The following PACS1 variants were observed in gnomAD, a reference collection of about 807,000 sequenced individuals.
PACS1 encodes the protein phosphofurin acidic cluster sorting protein 1.
A neutral mutation model predicts 115.0 loss-of-function variants in PACS1; 24 were observed. The observed-to-expected ratio is 0.21, with a 90% CI of 0.15 to 0.29. PACS1 has a LOEUF of 0.29. PACS1 is among the 10% of genes least tolerant of loss of function. The probability of loss-of-function intolerance (pLI) is 1.00; values close to 1 mark genes in which losing one functional copy is unlikely to be tolerated. For synonymous variants in PACS1, 453 were observed against 504.5 expected, an observed-to-expected ratio of 0.90 and a Z score of 1.37; for missense variants, 838 against 1,251.2, an observed-to-expected ratio of 0.67 and a Z score of 4.98.
intron 9 of PACS1, 111 bp from the exon 10 acceptor site, chr11:66,221,043 C>A: frequency 9.3e-7 from 1 of 1,071,788 alleles, no homozygotes; most frequent in Non-Finnish European, 1.4e-6. Context: ...ACCGGGCGTT[C>A]TGGACACCTG....
At chr11:66,101,016 AG>A (rs1446342158) in intron 1 of PACS1, 3 of 400,240 alleles carry the variant, frequency 7.5e-6, no homozygotes, top group African/African-American at 6.2e-5. Flanking sequence ...AAGTCACTAA[AG>A]CCAGCCATAT....
At chr11:66,150,656 A>G (rs1859213337) in intron 1 of PACS1, among the ~76,000 whole-genome samples, 1 of 152,240 alleles carries the variant, frequency 6.6e-6, no homozygotes. Flanking sequence ...TATGCCTTTA[A>G]AAGTAAGGTG....
At chr11:66,226,660 C>T (rs1424168257) in intron 10 of PACS1, among the ~76,000 whole-genome samples, 1 of 152,120 alleles carries the variant, frequency 6.6e-6, no homozygotes, top group Non-Finnish European at 1.5e-5. Context: ...TAGCCTGATG[C>T]TTCTCAGTAT....
intron 1 of PACS1, among the ~76,000 whole-genome samples, chr11:66,092,369 G>C (rs1857682252): frequency 6.6e-6 from 1 of 152,180 alleles, no homozygotes; most frequent in East Asian, 1.9e-4. Flanking sequence ...TGATGGGGTT[G>C]TTGGTTTTTT....
chr11:66,219,493 TG>T, intron 7 of PACS1: 1 of 630,732 alleles, frequency 1.6e-6, no homozygotes, highest in Admixed American at 2.1e-5. Flanking sequence ...TGGGAGGTGT[TG>T]GGGCACAGGG....
intron 1 of PACS1, among the ~76,000 whole-genome samples, chr11:66,154,520 C>T (rs1339972972): frequency 6.6e-6 from 1 of 152,092 alleles, no homozygotes; most frequent in African/African-American, 2.4e-5. Context: ...TGTAAGAATA[C>T]AAGGTCAGTA....
chr11:66,076,636 G>T (rs564991357), intron 1 of PACS1, among the ~76,000 whole-genome samples: 1 of 152,072 alleles, frequency 6.6e-6, no homozygotes, highest in Admixed American at 6.5e-5. Flanking sequence ...CAAGTGATCC[G>T]GCGGCCTCGG....
intron 1 of PACS1, among the ~76,000 whole-genome samples, chr11:66,154,530 A>G (rs1859311495): frequency 6.6e-6 from 1 of 152,234 alleles, no homozygotes; most frequent in African/African-American, 2.4e-5. Flanking sequence ...CAAGGTCAGT[A>G]TATCAAGAAA....
intron 1 of PACS1, among the ~76,000 whole-genome samples, chr11:66,079,791 T>C (rs1857453034): frequency 6.6e-6 from 1 of 152,210 alleles, no homozygotes. Flanking sequence ...AAGATCCCCT[T>C]TTCATGGTTC....
chr11:66,124,043 C>T (rs193044936), intron 1 of PACS1, among the ~76,000 whole-genome samples: 1 of 152,334 alleles, frequency 6.6e-6, no homozygotes, highest in African/African-American at 2.4e-5. Context: ...CAAGGGCAGG[C>T]ATTCTGCGCA....
intron 7 of PACS1, among the ~76,000 whole-genome samples, chr11:66,218,871 A>G (rs1855274164): frequency 6.6e-6 from 1 of 152,036 alleles, no homozygotes; most frequent in Non-Finnish European, 1.5e-5. Context: ...AAAAAAAAAA[A>G]AAAGGCCCAG....
intron 1 of PACS1, among the ~76,000 whole-genome samples, chr11:66,191,191 C>G (rs1854512195): frequency 6.6e-6 from 1 of 152,198 alleles, no homozygotes; most frequent in African/African-American, 2.4e-5. Context: ...GACCCCCTCC[C>G]TCCATCTTCA....
chr11:66,142,659 C>T (rs903448241), intron 1 of PACS1, among the ~76,000 whole-genome samples: 2 of 149,780 alleles, frequency 1.3e-5, no homozygotes, highest in South Asian at 2.1e-4. Flanking sequence ...GAGATAATTA[C>T]GTTGAAACCT....
At chr11:66,173,850 C>G (rs930672523) in intron 1 of PACS1, among the ~76,000 whole-genome samples, 2 of 151,980 alleles carry the variant, frequency 1.3e-5, no homozygotes, top group Non-Finnish European at 2.9e-5. Context: ...GTCAGGAGTT[C>G]GAGACCAACT....
intron 11 of PACS1, among the ~76,000 whole-genome samples, chr11:66,229,571 C>G (rs1475614358): frequency 6.6e-6 from 1 of 151,054 alleles, no homozygotes; most frequent in Non-Finnish European, 1.5e-5. Context: ...CCCAGCAACT[C>G]GGGAGGCTGA....
intron 1 of PACS1, among the ~76,000 whole-genome samples, chr11:66,083,752 G>C (rs1027216348): frequency 2.0e-5 from 3 of 152,072 alleles, no homozygotes; most frequent in African/African-American, 7.2e-5. Context: ...TTGTCATTTA[G>C]ATATTTCTGC....
chr11:66,213,606 C>T (rs958033348), intron 4 of PACS1, among the ~76,000 whole-genome samples: 4 of 152,262 alleles, frequency 2.6e-5, no homozygotes, highest in Admixed American at 1.3e-4. Context: ...TGTCTACACA[C>T]GTCACAGCTC....
At chr11:66,098,897 A>C (rs1857846065) in intron 1 of PACS1, among the ~76,000 whole-genome samples, 1 of 152,238 alleles carries the variant, frequency 6.6e-6, no homozygotes, top group African/African-American at 2.4e-5. Context: ...TAGTCTCAGC[A>C]CATCACATCA....
chr11:66,079,177 G>A (rs1197428080), intron 1 of PACS1, among the ~76,000 whole-genome samples: 8 of 152,118 alleles, frequency 5.3e-5, no homozygotes, highest in Non-Finnish European at 7.4e-5. Flanking sequence ...GTGAGCCACC[G>A]CCCAGCCTCT....
Sources: allele counts gnomAD v4.1 joint callset (sites outside exome capture counted in the v4.1 genomes callset), GRCh38; gene constraint gnomAD v4.1.1; transcripts MANE v1.5; gene names NCBI Gene and HGNC (gene_info 2026-07-23, HGNC 2026-07-21).